The following CROCC2 variants were observed in gnomAD, a reference collection of about 807,000 sequenced individuals.
CROCC2 encodes the protein ciliary rootlet coiled-coil, rootletin family member 2, also known as ciliary rootlet coiled-coil protein 2.
CROCC2 carries 163 observed loss-of-function variants against 177.6 expected under a neutral mutation model. The observed-to-expected ratio is 0.92, with a 90% confidence interval of 0.81 to 1.05. The LOEUF is 1.05. Among genes scored for constraint, CROCC2 ranks in the 50% least tolerant of loss-of-function variants. CROCC2 has a pLI of 0.00. For missense variants in CROCC2, 1,929 were observed against 1,797.8 expected (o/e 1.07, Z -1.32); for synonymous variants, 904 against 787.3 (o/e 1.15, Z -2.48).
chr2:240,931,662 G>T (rs1370672211), intron 7 of CROCC2, among the ~76,000 whole-genome samples: 1 of 152,232 alleles, frequency 6.6e-6, no homozygotes, highest in African/African-American at 2.4e-5. Context: ...CGGCTCCCCA[G>T]TGGAGGTCTA....
chr2:240,965,194 G>A (rs966406934), intron 22 of CROCC2, among the ~76,000 whole-genome samples, 187 bp from the exon 23 acceptor site: 2 of 152,192 alleles, frequency 1.3e-5, no homozygotes, highest in Non-Finnish European at 2.9e-5. Flanking sequence ...GTCCCAGGTA[G>A]GTGTCTACAG....
At chr2:240,991,120 C>A in intron 30 of CROCC2, 76 bp from the exon 31 acceptor site, 1 of 1,083,438 alleles carries the variant, frequency 9.2e-7, no homozygotes, top group Non-Finnish European at 1.3e-6. Context: ...TGTCACAGAG[C>A]CCTCCATGCC....
chr2:240,934,818 G>A (rs1306054206), intron 12 of CROCC2, 98 bp from the exon 13 acceptor site: 6 of 1,311,286 alleles, frequency 4.6e-6, no homozygotes, highest in East Asian at 2.9e-5. Flanking sequence ...GCTCTGGCTT[G>A]CACACCTCCG....
chr2:240,985,901 G>T (rs1559193026), intron 28 of CROCC2: 1 of 454,712 alleles, frequency 2.2e-6, no homozygotes, highest in Non-Finnish European at 4.4e-6. Context: ...GCCCCCACCT[G>T]GCAGGTGAGG....
At position 240,960,331 on chromosome 2, in the gene CROCC2, G is replaced by A. The variant is rs954691565; in HGVS notation, c.3087+887G>A. Among the ~76,000 whole-genome samples, 5 of 152,066 alleles carry A rather than the reference G, an allele frequency of 3.3e-5. No individual in the cohort carries two copies. Among genetic ancestry groups the A allele is most frequent in the African/African-American group, 1.2e-4 (5 of 41,412 alleles). On this transcript the variant is annotated intron_variant, in intron 20 of 31. Coordinates refer to ENST00000690015, the MANE Select transcript of CROCC2 (RefSeq NM_001351305.2). The surrounding 1 kb of genome is among the most constrained non-coding windows in gnomAD (Gnocchi z 5.0). The stretch of plus-strand genomic sequence containing the variant: ...TGGGTTAGTGGAGATTTCGGGGTGT[G>A]CCTGGGCCTGGCCAAGGGCCCGAGG...
rs1257393593 is a variant in CROCC2, at chr2:240,964,587, G to A, written c.3427G>A (p.Gly1143Arg). 6.5e-7 allele frequency: 1 copy of A among 1,549,558 alleles called. No homozygotes were observed. Among genetic ancestry groups the A allele is most frequent in the Non-Finnish European group, 8.7e-7 (1 of 1,146,802 alleles). ...AHLWELEQAG[G>R]DARQELRELH... ...CCTGTGGGAGCTGGAGCAGGCAGGGGGGGACGCCCGTCAGGAGCTCCGGGA... is the reference window on the plus strand; with the variant it reads ...CCTGTGGGAGCTGGAGCAGGCAGGGAGGGACGCCCGTCAGGAGCTCCGGGA... Residue 1143 changes from glycine to arginine, a missense_variant, in exon 22 of 32, where the codon GGG (glycine) becomes AGG (arginine). By Grantham distance (125) the Gly-to-Arg change is moderately radical. Coordinates refer to ENST00000690015, the MANE Select transcript of CROCC2 (RefSeq NM_001351305.2).
chr2:240,909,804 G>A (rs1280738089), intron 1 of CROCC2, among the ~76,000 whole-genome samples: 2 of 152,190 alleles, frequency 1.3e-5, no homozygotes, highest in Non-Finnish European at 2.9e-5. Context: ...ACCCCAGAGT[G>A]AGCAGGGAGC....
chr2:240,932,519 G>A (rs2059439580), intron 8 of CROCC2, 105 bp downstream of exon 8: 1 of 702,056 alleles, frequency 1.4e-6, no homozygotes, highest in Non-Finnish European at 2.7e-6. Flanking sequence ...CGGCCTGCAG[G>A]GCAAGGTGGG....
chr2:240,956,222 G>T, intron 19 of CROCC2: 2 of 517,422 alleles, frequency 3.9e-6, no homozygotes, highest in South Asian at 5.2e-5. Context: ...CTTTGGGGCT[G>T]GCAGGGGCCA....
Position 240,992,978 on chromosome 2 carries a change from G to C in CROCC2, c.4947-88G>C, listed in dbSNP as rs557708615. On this transcript the variant is annotated intron_variant, in intron 31 of 31. Transcript: ENST00000690015. ...TTCCCAGTTGTGGGCAGGAGACTCA[G>C]CATCGGTCCCTCCAGCCCCCGGCAG... 808 of 692,144 alleles carry C rather than the reference G, an allele frequency of 1.2e-3. 7 individuals are homozygous for C. The South Asian group carries it at 0.012, about 10-fold the overall frequency. 42.9% of individuals were successfully genotyped at this position (692,144 alleles called of 1,614,324 possible). A position where few individuals can be genotyped will look rare whatever the true frequency, so the allele number is the denominator to read the frequency against.
chr2:240,910,655 C>T (rs565144344), intron 1 of CROCC2, among the ~76,000 whole-genome samples: 1 of 152,338 alleles, frequency 6.6e-6, no homozygotes, highest in African/African-American at 2.4e-5. Flanking sequence ...TTTCTCGTTT[C>T]TGATACTAGC....
chr2:240,909,604 T>C (rs2059275039), intron 1 of CROCC2, among the ~76,000 whole-genome samples: 1 of 152,202 alleles, frequency 6.6e-6, no homozygotes, highest in Non-Finnish European at 1.5e-5. Flanking sequence ...CCCAGGCCGA[T>C]GCTGACATCA....
chr2:240,928,576 T>C (rs1198514425), intron 5 of CROCC2, among the ~76,000 whole-genome samples: 1 of 152,212 alleles, frequency 6.6e-6, no homozygotes, highest in Non-Finnish European at 1.5e-5. Context: ...TGGACTCTCA[T>C]GAGTTTAAGC....
chr2:240,946,048 C>A lies in CROCC2; in HGVS notation c.2170-12C>A. 1 of 1,485,588 alleles carries A rather than the reference C, an allele frequency of 6.7e-7. No individual in the cohort carries two copies. The allele number at this position is 1,485,588 out of a possible 1,614,324, so 92.0% of individuals were successfully genotyped here. On this transcript the variant is annotated splice_polypyrimidine_tract_variant and intron_variant, in intron 14 of 31. Coordinates refer to ENST00000690015, the MANE Select transcript of CROCC2 (RefSeq NM_001351305.2). ...CTTTCTCTGCCGACTGTCCCCTCCC[C>A]ACCTCCCCTAGGTCACATGCCAGAA...
intron 28 of CROCC2, among the ~76,000 whole-genome samples, chr2:240,986,580 G>C (rs780472008): frequency 3.9e-5 from 6 of 152,250 alleles, no homozygotes; most frequent in Non-Finnish European, 7.3e-5. Context: ...CGTCCTGGGG[G>C]ACTCGAGCTT....
At chr2:240,926,894 C>T (rs943202888) in intron 5 of CROCC2, among the ~76,000 whole-genome samples, 4 of 152,252 alleles carry the variant, frequency 2.6e-5, no homozygotes, top group African/African-American at 9.6e-5. Context: ...GCGTTTGAGG[C>T]AGATCTCATG....
chr2:240,957,040 G>T (rs1029648476), intron 19 of CROCC2, among the ~76,000 whole-genome samples: 2 of 152,080 alleles, frequency 1.3e-5, no homozygotes, highest in Non-Finnish European at 2.9e-5. Flanking sequence ...GTCCTGGGTG[G>T]CAGGGGCTGG....
chr2:240,931,174 G>A (rs1296839017), intron 7 of CROCC2, 46 bp downstream of exon 7: 15 of 671,180 alleles, frequency 2.2e-5, no homozygotes, highest in Non-Finnish European at 3.9e-5. Context: ...GGCCCGGGGG[G>A]TCGGGGCCCA....
chr2:240,913,008 C>T (rs2059298144), intron 1 of CROCC2, among the ~76,000 whole-genome samples: 1 of 152,212 alleles, frequency 6.6e-6, no homozygotes, highest in Non-Finnish European at 1.5e-5. Flanking sequence ...AGATGCTCAG[C>T]CCATCTCCCA....
Sources: allele counts gnomAD v4.1 joint callset (sites outside exome capture counted in the v4.1 genomes callset), GRCh38; gene constraint gnomAD v4.1.1; non-coding constraint Gnocchi (gnomAD v3.1); transcripts MANE v1.5; gene names NCBI Gene and HGNC (gene_info 2026-07-23, HGNC 2026-07-21).